The following BMAL1 variants were observed in gnomAD, a reference collection of about 807,000 sequenced individuals.
The protein encoded by BMAL1 is basic helix-loop-helix ARNT like 1.
At chr11:13,355,604 T>G in the BMAL1 span, among the ~76,000 whole-genome samples, 1 of 152,236 alleles carries the variant, frequency 6.6e-6, no homozygotes, top group African/African-American at 2.4e-5. Context: ...TCACTATCAT[T>G]TTAATGTAAC....
chr11:13,365,667 TTATAG>T, the BMAL1 span: 1 of 1,234,072 alleles, frequency 8.1e-7, no homozygotes. Context: ...GTCAGAATAA[TTATAG>T]TATACAAGTC....
chr11:13,302,370 A>C, the BMAL1 span, among the ~76,000 whole-genome samples: 1 of 152,132 alleles, frequency 6.6e-6, no homozygotes, highest in Non-Finnish European at 1.5e-5. Context: ...GATGAGTATC[A>C]CTGTCCCTGT....
At chr11:13,289,111 A>G in the BMAL1 span, among the ~76,000 whole-genome samples, 7 of 152,210 alleles carry the variant, frequency 4.6e-5, no homozygotes, top group African/African-American at 7.2e-5. Flanking sequence ...AACAGGTATA[A>G]CAATTCCTGT....
At chr11:13,364,076 C>T in the BMAL1 span, among the ~76,000 whole-genome samples, 1 of 152,212 alleles carries the variant, frequency 6.6e-6, no homozygotes, top group African/African-American at 2.4e-5. Flanking sequence ...ACCTTTCAAG[C>T]CACATTGCCA....
the BMAL1 span, among the ~76,000 whole-genome samples, chr11:13,290,567 A>G: frequency 2.4e-3 from 346 of 147,122 alleles, 2 homozygotes; most frequent in African/African-American, 4.6e-3. Context: ...ATATATTATT[A>G]TTATTATTAT....
the BMAL1 span, among the ~76,000 whole-genome samples, chr11:13,336,653 A>T: frequency 6.6e-6 from 1 of 152,190 alleles, no homozygotes; most frequent in Non-Finnish European, 1.5e-5. Context: ...GTCACTAGGG[A>T]ATATGCTGCC....
the BMAL1 span, among the ~76,000 whole-genome samples, chr11:13,287,886 A>G: frequency 5.3e-5 from 8 of 152,252 alleles, no homozygotes; most frequent in Non-Finnish European, 1.0e-4. Flanking sequence ...CTGTGAGTCT[A>G]TATGCCAAGA....
At chr11:13,315,264 G>C in the BMAL1 span, among the ~76,000 whole-genome samples, 1 of 152,110 alleles carries the variant, frequency 6.6e-6, no homozygotes, top group African/African-American at 2.4e-5. Flanking sequence ...TTTTTCTCCT[G>C]GTTTGCCTAG....
At chr11:13,385,826 A>G in the BMAL1 span, 11 of 1,493,382 alleles carry the variant, frequency 7.4e-6, no homozygotes, top group African/African-American at 1.5e-4. Flanking sequence ...CATTGCAATG[A>G]GCTTGCAAAA....
At chr11:13,373,504 A>T in the BMAL1 span, among the ~76,000 whole-genome samples, 1 of 152,116 alleles carries the variant, frequency 6.6e-6, no homozygotes, top group East Asian at 1.9e-4. Flanking sequence ...TAATCTAATT[A>T]ATGTGGTTCC....
the BMAL1 span, among the ~76,000 whole-genome samples, chr11:13,323,473 C>T: frequency 1.8e-5 from 1 of 56,264 alleles, no homozygotes; most frequent in Admixed American, 2.0e-4. Context: ...TGCTCCTCCT[C>T]AGTCTTCCCC....
chr11:13,302,407 G>A, the BMAL1 span, among the ~76,000 whole-genome samples: 4 of 152,304 alleles, frequency 2.6e-5, no homozygotes, highest in African/African-American at 9.6e-5. Context: ...AGAGGTGAGT[G>A]TGACAGAGGG....
At chr11:13,350,180 T>C in the BMAL1 span, 1 of 152,182 alleles carries the variant, frequency 6.6e-6, no homozygotes, top group Non-Finnish European at 1.5e-5. Context: ...CTCTGAAACT[T>C]GGGGTATTCT....
chr11:13,277,969 C>T, the BMAL1 span: 1 of 151,332 alleles, frequency 6.6e-6, no homozygotes, highest in East Asian at 2.0e-4. Context: ...CCCGCGCACC[C>T]CGTCGGGGGC....
the BMAL1 span, among the ~76,000 whole-genome samples, chr11:13,345,903 G>GT: frequency 6.6e-6 from 1 of 152,152 alleles, no homozygotes; most frequent in African/African-American, 2.4e-5. Flanking sequence ...CATATGATGA[G>GT]TTGTACAATA....
the BMAL1 span, among the ~76,000 whole-genome samples, chr11:13,338,062 A>C: frequency 2.2e-4 from 33 of 152,316 alleles, no homozygotes; most frequent in East Asian, 3.7e-3. Context: ...TGATTCCTGC[A>C]CTGAGTATTT....
the BMAL1 span, chr11:13,360,566 A>T: frequency 2.9e-6 from 2 of 700,058 alleles, no homozygotes; most frequent in South Asian, 4.0e-5. Flanking sequence ...CCTTTATCTT[A>T]TTGTTTGGAC....
At chr11:13,284,565 G>A in the BMAL1 span, among the ~76,000 whole-genome samples, 1 of 151,442 alleles carries the variant, frequency 6.6e-6, no homozygotes, top group Non-Finnish European at 1.5e-5. Flanking sequence ...TGGGAAGTTG[G>A]CCTGAATCTG....
At chr11:13,283,059 A>T in the BMAL1 span, among the ~76,000 whole-genome samples, 1 of 152,234 alleles carries the variant, frequency 6.6e-6, no homozygotes, top group Non-Finnish European at 1.5e-5. Flanking sequence ...AGGTTTAGTC[A>T]TCTTTGCTGC....
Sources: gnomAD v4.1 joint callset for allele counts (sites outside exome capture counted in the v4.1 genomes callset) on GRCh38, gnomAD v4.1.1 for gene constraint, MANE v1.5 for transcripts, NCBI Gene and HGNC (gene_info 2026-07-23, HGNC 2026-07-21) for gene names.